ENOPH1: variants seen among roughly 807,000 people sequenced by gnomAD.
ENOPH1 encodes the protein enolase-phosphatase E1.
Under a neutral mutation model 31.1 loss-of-function variants are expected in ENOPH1, and 14 were observed. The observed-to-expected ratio is 0.45, with a 90% CI of 0.30 to 0.70. ENOPH1 has a LOEUF of 0.70. ENOPH1 is among the 30% of genes least tolerant of loss of function. The pLI, the probability that ENOPH1 is intolerant of heterozygous loss-of-function variation, is 0.09. For synonymous variants in ENOPH1, 127 were observed against 123.2 expected (o/e 1.03, Z -0.21); for missense variants, 243 against 321.5 (o/e 0.76, Z 1.87).
intron 1 of ENOPH1, among the ~76,000 whole-genome samples, chr4:82,446,793 G>A (rs1428087926): frequency 7.2e-6 from 1 of 139,332 alleles, no homozygotes; most frequent in East Asian, 2.4e-4. Flanking sequence ...TGCAAGCTCC[G>A]CTTCCCGGGT....
intron 4 of ENOPH1, among the ~76,000 whole-genome samples, chr4:82,455,297 CTG>C (rs1372112649): frequency 3.3e-5 from 5 of 152,202 alleles, no homozygotes; most frequent in Admixed American, 6.5e-5. Flanking sequence ...GCTAGCCCCT[CTG>C]TGTCATCATC....
chr4:82,443,927 G>A (rs1360772699), intron 1 of ENOPH1, among the ~76,000 whole-genome samples: 1 of 152,018 alleles, frequency 6.6e-6, no homozygotes, highest in Non-Finnish European at 1.5e-5. Flanking sequence ...ACAGGCTGGA[G>A]TACAGTGGTG....
intron 5 of ENOPH1, among the ~76,000 whole-genome samples, chr4:82,457,480 C>T (rs115947544): frequency 0.043 from 6,558 of 152,288 alleles, 474 homozygotes; most frequent in Admixed American, 0.2. Context: ...TGCCACTGCA[C>T]TCCAGCCTGG....
At chr4:82,444,296 A>G (rs1331958612) in intron 1 of ENOPH1, among the ~76,000 whole-genome samples, 3 of 150,354 alleles carry the variant, frequency 2.0e-5, no homozygotes, top group African/African-American at 4.9e-5. Context: ...ATCTCGGCTC[A>G]CTACAACCTC....
intron 3 of ENOPH1, among the ~76,000 whole-genome samples, chr4:82,452,777 G>C (rs1276125011): frequency 1.3e-5 from 2 of 152,018 alleles, no homozygotes; most frequent in East Asian, 3.9e-4. Context: ...AGTAGAGACA[G>C]GGTTTTATCA....
At chr4:82,435,961 G>A (rs1456383317) in intron 1 of ENOPH1, among the ~76,000 whole-genome samples, 2 of 152,156 alleles carry the variant, frequency 1.3e-5, no homozygotes, top group African/African-American at 2.4e-5. Context: ...TGAAAATTAC[G>A]AAGTCCTATA....
At chr4:82,453,567 A>G (rs1722408585) in intron 3 of ENOPH1, among the ~76,000 whole-genome samples, 3 of 152,332 alleles carry the variant, frequency 2.0e-5, no homozygotes, top group African/African-American at 4.8e-5. Flanking sequence ...ACATACTTAC[A>G]TGTGTACTGG....
chr4:82,444,110 A>G (rs987181221), intron 1 of ENOPH1, among the ~76,000 whole-genome samples: 1 of 152,174 alleles, frequency 6.6e-6, no homozygotes, highest in African/African-American at 2.4e-5. Flanking sequence ...CCTGACTTCA[A>G]GTGATCCACC....
At chr4:82,457,633 A>G (rs148263264) in intron 5 of ENOPH1, among the ~76,000 whole-genome samples, 1 of 152,202 alleles carries the variant, frequency 6.6e-6, no homozygotes, top group Non-Finnish European at 1.5e-5. Flanking sequence ...ACACACACAC[A>G]CTATGACACA....
At chr4:82,447,812 T>C (rs1722233941) in intron 1 of ENOPH1, 108 bp from the exon 2 acceptor site, 2 of 560,452 alleles carry the variant, frequency 3.6e-6, no homozygotes, top group Non-Finnish European at 6.0e-6. Context: ...TTTCATAGAG[T>C]TCCATTGATT....
chr4:82,452,523 C>T (rs927030650), intron 3 of ENOPH1, among the ~76,000 whole-genome samples: 6 of 152,098 alleles, frequency 3.9e-5, no homozygotes, highest in African/African-American at 1.2e-4. Flanking sequence ...AACTCCTGAC[C>T]TCAAGTGGTC....
chr4:82,442,735 G>A (rs1026836426), intron 1 of ENOPH1, among the ~76,000 whole-genome samples: 56 of 152,114 alleles, frequency 3.7e-4, no homozygotes, highest in Admixed American at 3.3e-3. Context: ...ATATCCCCCC[G>A]ATAGGATTAT....
chr4:82,443,809 AC>A (rs1355602825), intron 1 of ENOPH1, among the ~76,000 whole-genome samples: 2 of 152,050 alleles, frequency 1.3e-5, no homozygotes. Flanking sequence ...GTTCTCAAGT[AC>A]TATAAATCAT....
chr4:82,452,900 CT>C (rs761337281), intron 3 of ENOPH1, among the ~76,000 whole-genome samples: 311 of 115,874 alleles, frequency 2.7e-3, no homozygotes, highest in Middle Eastern at 0.022. Flanking sequence ...CTGAGAAATT[CT>C]TTTTTTTTTT....
At chr4:82,448,110 A>T in intron 2 of ENOPH1, 89 bp downstream of exon 2, 1 of 860,126 alleles carries the variant, frequency 1.2e-6, no homozygotes, top group Non-Finnish European at 1.8e-6. Context: ...TTTGTAAAAT[A>T]AGTGCCCTGG....
intron 1 of ENOPH1, among the ~76,000 whole-genome samples, chr4:82,434,464 A>G (rs963266594): frequency 2.0e-5 from 3 of 152,202 alleles, no homozygotes. Flanking sequence ...TCATAATCCC[A>G]GCACTTTGGG....
intron 1 of ENOPH1, among the ~76,000 whole-genome samples, chr4:82,437,229 G>A (rs1365535343): frequency 6.6e-6 from 1 of 151,964 alleles, no homozygotes; most frequent in Non-Finnish European, 1.5e-5. Context: ...TTGAATACCT[G>A]TCATGTTCCA....
intron 2 of ENOPH1, among the ~76,000 whole-genome samples, chr4:82,448,921 A>G (rs994099047): frequency 2.0e-5 from 3 of 151,184 alleles, no homozygotes; most frequent in African/African-American, 7.3e-5. Flanking sequence ...AGCCGGGCGT[A>G]GTGGCCGGCG....
At chr4:82,441,659 C>T (rs1243618065) in intron 1 of ENOPH1, among the ~76,000 whole-genome samples, 4 of 151,998 alleles carry the variant, frequency 2.6e-5, no homozygotes, top group Non-Finnish European at 4.4e-5. Context: ...AAAGTAAAAA[C>T]CATCAGATCT....
Sources: gnomAD v4.1 joint callset for allele counts (sites outside exome capture counted in the v4.1 genomes callset) on GRCh38, gnomAD v4.1.1 for gene constraint, MANE v1.5 for transcripts, NCBI Gene and HGNC (gene_info 2026-07-23, HGNC 2026-07-21) for gene names.